Variants in ARRB1 observed in about 807,000 individuals in gnomAD.
The protein encoded by ARRB1 is arrestin beta 1.
In ARRB1, 21 loss-of-function variants were observed where a neutral mutation model predicts 56.8. The ratio of observed to expected loss-of-function variants is 0.37; its 90% CI spans 0.26 to 0.53. The LOEUF (loss-of-function observed/expected upper bound fraction) is 0.53. Among genes scored for constraint, ARRB1 ranks in the 20% least tolerant of loss-of-function variants. The pLI is 0.88. For synonymous variants in ARRB1, 210 were observed against 218.6 expected (o/e 0.96, Z 0.35); for missense variants, 424 against 553.7 (o/e 0.77, Z 2.35).
rs1188059013 is a variant in ARRB1, at chr11:75,265,842, C to T, written c.*321G>A. The T allele has an allele frequency of 5.4e-6, 2 of 372,296 alleles. No individual in the cohort carries two copies. The highest frequency in any genetic ancestry group is 1.2e-4 in the East Asian group (2 of 17,122). The allele number at this position is 372,296 out of a possible 1,614,324, so 23.1% of individuals were successfully genotyped here. The stretch of plus-strand genomic sequence containing the variant: ...CCACCACACCGTGTCCCACATTCCC[C>T]ATCCTCCCCTGTCTGCTCCCCATCT... On this transcript the variant is annotated 3_prime_UTR_variant, in exon 16 of 16. Coordinates refer to ENST00000420843, the MANE Select transcript of ARRB1 (RefSeq NM_004041.5).
Position 75,265,817 on chromosome 11 carries a change from C to T in ARRB1, c.*346G>A, listed in dbSNP as rs1239532561. Reference sequence around the variant, plus strand: ...TCCCCACCCCTCCAAGCCCTCATGCCCACCACACCGTGTCCCACATTCCCC... The same window carrying T: ...TCCCCACCCCTCCAAGCCCTCATGCTCACCACACCGTGTCCCACATTCCCC... On this transcript the variant is annotated 3_prime_UTR_variant, in exon 16 of 16. Coordinates refer to ENST00000420843, the MANE Select transcript of ARRB1 (RefSeq NM_004041.5). 1 of 327,816 alleles carries T rather than the reference C, an allele frequency of 3.1e-6. No homozygotes were observed. The allele number at this position is 327,816 out of a possible 1,614,324, so 20.3% of individuals were successfully genotyped here.
At chr11:75,270,169 G>T (rs1252492210) in intron 13 of ARRB1, among the ~76,000 whole-genome samples, 2 of 152,264 alleles carry the variant, frequency 1.3e-5, no homozygotes, top group African/African-American at 4.8e-5. Flanking sequence ...AGATGAGGCA[G>T]CTAAAGAGCT....
intron 10 of ARRB1, among the ~76,000 whole-genome samples, chr11:75,275,099 T>C (rs1946166167): frequency 6.6e-6 from 1 of 151,618 alleles, no homozygotes; most frequent in Non-Finnish European, 1.5e-5. Flanking sequence ...AGTGAAACTC[T>C]GTCTCTAAAC....
At chr11:75,343,536 TAA>T (rs1947720673) in intron 1 of ARRB1, among the ~76,000 whole-genome samples, 1 of 152,154 alleles carries the variant, frequency 6.6e-6, no homozygotes, top group Non-Finnish European at 1.5e-5. Flanking sequence ...TTATCTTACT[TAA>T]TTTTAACTCA....
At chr11:75,341,397 C>T (rs940147217) in intron 1 of ARRB1, among the ~76,000 whole-genome samples, 1 of 152,160 alleles carries the variant, frequency 6.6e-6, no homozygotes, top group African/African-American at 2.4e-5. Context: ...CTCAGCCTCC[C>T]AAGAGGCTGG....
At chr11:75,311,166 G>A (rs1375173346) in intron 1 of ARRB1, among the ~76,000 whole-genome samples, 8 of 152,136 alleles carry the variant, frequency 5.3e-5, no homozygotes, top group East Asian at 3.9e-4. Flanking sequence ...GTGAAACCCC[G>A]TCTCTACTAA....
chr11:75,291,745 C>G (rs1946616586), intron 1 of ARRB1, among the ~76,000 whole-genome samples: 1 of 152,136 alleles, frequency 6.6e-6, no homozygotes, highest in Admixed American at 6.5e-5. Context: ...GATAGGGACA[C>G]AGGCCCTGGA....
intron 1 of ARRB1, among the ~76,000 whole-genome samples, chr11:75,292,885 C>G (rs116960251): frequency 3.3e-5 from 5 of 152,068 alleles, no homozygotes; most frequent in Non-Finnish European, 7.4e-5. Context: ...CTCAGAGAGA[C>G]GCAGTAATTT....
chr11:75,334,306 CAAAAAA>C (rs11403871), intron 1 of ARRB1, among the ~76,000 whole-genome samples: 5 of 109,722 alleles, frequency 4.6e-5, no homozygotes, highest in South Asian at 3.4e-4. Flanking sequence ...CCGTCTCAAA[CAAAAAA>C]AAAAAAAAAA....
At position 75,274,366 on chromosome 11, in the gene ARRB1, G is replaced by C. The variant is rs11820702; in HGVS notation, c.777-155C>G. ...CACACGGACCACTTGGGCCAGCCCA[G>C]CTCGGGCAAGGAGACCACTGCCACT... On this transcript the variant is annotated intron_variant, in intron 10 of 15. Coordinates refer to ENST00000420843, the MANE Select transcript of ARRB1 (RefSeq NM_004041.5). The C allele has an allele frequency of 2.3e-4, 231 of 1,002,884 alleles. 1 individual carries two copies. In the African/African-American group the frequency reaches 3.5e-3, roughly 15 times the overall value. The allele number at this position is 1,002,884 out of a possible 1,614,324, so 62.1% of individuals were successfully genotyped here.
intron 5 of ARRB1, 64 bp downstream of exon 5, chr11:75,283,219 GCCCA>G: frequency 6.7e-7 from 1 of 1,497,112 alleles, no homozygotes; most frequent in Non-Finnish European, 9.0e-7. Flanking sequence ...GCCCTCTTAT[GCCCA>G]CCCCAGAGGG....
At chr11:75,290,306 T>G (rs527431614) in intron 1 of ARRB1, among the ~76,000 whole-genome samples, 1 of 152,284 alleles carries the variant, frequency 6.6e-6, no homozygotes, top group South Asian at 2.1e-4. Flanking sequence ...AGTCTCCAAG[T>G]GCAAGTTTTC....
intron 11 of ARRB1, among the ~76,000 whole-genome samples, chr11:75,273,557 TG>T (rs1313578522): frequency 2.6e-5 from 4 of 152,148 alleles, no homozygotes; most frequent in Non-Finnish European, 5.9e-5. Context: ...AAAGCCCCAC[TG>T]AAGGACCACA....
In ARRB1 at chr11:75,260,513, G is replaced by T. The variant is rs17133858; in HGVS notation, c.*5650C>A. On this transcript the variant is annotated 3_prime_UTR_variant, in exon 16 of 16. Coordinates refer to ENST00000420843, the MANE Select transcript of ARRB1 (RefSeq NM_004041.5). The stretch of plus-strand genomic sequence containing the variant: ...CAGGTCAGGACCATACCCCGAGTTT[G>T]TGAGGCACCCACCTCTCATACTCAC... The T allele has an allele frequency of 0.062, 9,376 of 152,232 alleles. 495 individuals carry two copies. Among genetic ancestry groups the T allele is most frequent in the African/African-American group, 0.14 (5,966 of 41,470 alleles). 9.4% of individuals were successfully genotyped at this position (152,232 alleles called of 1,614,324 possible).
At chr11:75,292,359 C>A (rs1591930740) in intron 1 of ARRB1, among the ~76,000 whole-genome samples, 1 of 152,094 alleles carries the variant, frequency 6.6e-6, no homozygotes, top group African/African-American at 2.4e-5. Context: ...AGGCTGGTCT[C>A]AAACTCCTGA....
chr11:75,306,486 G>T, intron 1 of ARRB1: 1 of 808,156 alleles, frequency 1.2e-6, no homozygotes, highest in Non-Finnish European at 1.8e-6. Flanking sequence ...GAGAGAGGAA[G>T]AAATCATGTA....
chr11:75,284,720 A>G (rs533386585), intron 3 of ARRB1, among the ~76,000 whole-genome samples: 1 of 152,104 alleles, frequency 6.6e-6, no homozygotes, highest in Non-Finnish European at 1.5e-5. Context: ...CCTGGCCAAC[A>G]TGGTGAAACA....
rs771785239 is a variant in ARRB1 at position 75,281,076 on chromosome 11, G to A, written c.481C>T (p.Arg161Trp). The stretch of plus-strand genomic sequence containing the variant: ...CCCACACCCTGGCATCCTACTCACC[G>A]CTTGTGGATCTTCTCCTCCAAATTC... Reference protein sequence around the residue: ...AENLEEKIHKRNSVRLVIRKV... With the variant: ...AENLEEKIHKWNSVRLVIRKV... The change falls in exon 7 of 16, where the codon CGG (arginine) becomes TGG (tryptophan). Residue 161 changes from arginine to tryptophan, a missense_variant and splice_region_variant. Transcript: ENST00000420843. 8 of 1,600,980 alleles carry A rather than the reference G, an allele frequency of 5.0e-6. No individual in the cohort carries two copies. The highest frequency in any genetic ancestry group is 1.1e-5 in the South Asian group (1 of 88,484).
At chr11:75,322,584 G>C (rs1947364400) in intron 1 of ARRB1, among the ~76,000 whole-genome samples, 1 of 152,186 alleles carries the variant, frequency 6.6e-6, no homozygotes, top group East Asian at 1.9e-4. Context: ...AATCACTGAA[G>C]GTACAAGGCC....
Sources: allele counts gnomAD v4.1 joint callset (sites outside exome capture counted in the v4.1 genomes callset), GRCh38; gene constraint gnomAD v4.1.1; transcripts MANE v1.5; gene names NCBI Gene and HGNC (gene_info 2026-07-23, HGNC 2026-07-21).